The following CFAP20DC variants were observed in gnomAD, a reference collection of about 807,000 sequenced individuals.
CFAP20DC encodes the protein CFAP20 domain containing.
CFAP20DC carries 84 observed loss-of-function variants against 101.7 expected under a neutral mutation model. The observed-to-expected ratio is 0.83, with a 90% confidence interval of 0.69 to 0.99. CFAP20DC has a LOEUF of 0.99. Among genes scored for constraint, CFAP20DC ranks in the 50% least tolerant of loss-of-function variants. The pLI is 0.00. For synonymous variants in CFAP20DC, 359 were observed against 351.2 expected (o/e 1.02, Z -0.25); for missense variants, 1,007 against 970.3 (o/e 1.04, Z -0.50).
At chr3:58,850,506 T>G (rs1401096249) in intron 12 of CFAP20DC, among the ~76,000 whole-genome samples, 1 of 150,592 alleles carries the variant, frequency 6.6e-6, no homozygotes, top group Admixed American at 6.6e-5. Flanking sequence ...GAGAATTGCT[T>G]GAACCTGGGA....
At chr3:58,832,667 A>G (rs1353599118) in intron 13 of CFAP20DC, among the ~76,000 whole-genome samples, 2 of 152,180 alleles carry the variant, frequency 1.3e-5, no homozygotes, top group East Asian at 1.9e-4. Context: ...CATAGCTCCA[A>G]CCAAGGTGGA....
At chr3:59,030,927 C>A (rs2093982631) in intron 4 of CFAP20DC, among the ~76,000 whole-genome samples, 1 of 152,046 alleles carries the variant, frequency 6.6e-6, no homozygotes. Context: ...GGGTTCACGC[C>A]ATTCTCCTGC....
rs1017646420 is a variant in CFAP20DC at position 58,849,396 on chromosome 3, ATACTGTGGT to A, written c.1598_1606del (p.Asn533_Ser535del). ...AGTTGTTGGGCCTCGAGAACCCTGG[ATACTGTGGT>A]TACCCTATGTTGGGGAACAAAGTAA... On this transcript the variant is annotated inframe_deletion, in exon 13 of 17. Coordinates refer to ENST00000482387, the MANE Select transcript of CFAP20DC (RefSeq NM_001394063.1). 48 of 1,529,110 alleles carry A rather than the reference ATACTGTGGT, an allele frequency of 3.1e-5. No homozygotes were observed. In the African/African-American group the frequency reaches 5.8e-4, roughly 18 times the overall value. 94.7% of individuals were successfully genotyped at this position (1,529,110 alleles called of 1,614,324 possible).
chr3:59,017,527 T>C (rs577294070), intron 4 of CFAP20DC: 2 of 152,144 alleles, frequency 1.3e-5, no homozygotes, highest in East Asian at 3.9e-4. Flanking sequence ...GATATTGTAA[T>C]CTTTAGTGAC....
In CFAP20DC at chr3:58,816,442, C is replaced by T. The variant is rs370523153; in HGVS notation, c.2176-9986G>A. 2.2e-3 allele frequency among the ~76,000 whole-genome samples: 339 copies of T among 152,208 alleles called. 4 individuals carry two copies. Among genetic ancestry groups the T allele is most frequent in the African/African-American group, 7.3e-3 (302 of 41,550 alleles). ...CAGGCCAGTGGGTGCGTGCACCGTG[C>T]GCGAGCCGAAGCAGGGCGAGGCATT... On this transcript the variant is annotated intron_variant, in intron 14 of 16. Transcript: ENST00000482387.
chr3:58,968,628 T>C (rs1169576509), intron 4 of CFAP20DC, among the ~76,000 whole-genome samples: 1 of 152,122 alleles, frequency 6.6e-6, no homozygotes, highest in Non-Finnish European at 1.5e-5. Context: ...AGATGCATTG[T>C]TTGTAAATAT....
At position 58,882,729 on chromosome 3, in the gene CFAP20DC, TA is replaced by T. The variant is rs576500671; in HGVS notation, c.715+1815del. 1.2e-3 allele frequency among the ~76,000 whole-genome samples: 184 copies of T among 152,280 alleles called. No individual in the cohort carries two copies. The highest frequency in any genetic ancestry group is 4.1e-3 in the African/African-American group (171 of 41,558). On this transcript the variant is annotated intron_variant, in intron 7 of 16. Transcript: ENST00000482387. This position sits in a 1 kb window ranked among gnomAD's most constrained non-coding sequence, Gnocchi z 4.2. ...GGATTGTATACAGTCTCTCTCTGTC[TA>T]AATATAGTATATATAGTAAGCATAC...
intron 4 of CFAP20DC, among the ~76,000 whole-genome samples, chr3:58,948,513 G>GT (rs1464132668): frequency 1.3e-5 from 2 of 151,992 alleles, no homozygotes; most frequent in African/African-American, 4.8e-5. Flanking sequence ...CTTTTCCTTT[G>GT]TTTTCACAGT....
At chr3:58,860,297 G>A (rs763373233) in intron 12 of CFAP20DC, among the ~76,000 whole-genome samples, 1 of 151,506 alleles carries the variant, frequency 6.6e-6, no homozygotes. Context: ...AAATGAAATA[G>A]CTTAACTACT....
intron 4 of CFAP20DC, among the ~76,000 whole-genome samples, chr3:59,025,799 A>G (rs1054100580): frequency 2.0e-5 from 3 of 152,156 alleles, no homozygotes; most frequent in African/African-American, 4.8e-5. Flanking sequence ...TTTGTTTTAC[A>G]TACTAAAAAC....
chr3:58,892,919 G>A lies in CFAP20DC; in HGVS notation c.551-8210C>T, dbSNP rs1218825265. Among the ~76,000 whole-genome samples the A allele has an allele frequency of 6.6e-6, 1 of 152,166 alleles. No homozygotes were observed. On this transcript the variant is annotated intron_variant, in intron 6 of 16. Transcript: ENST00000482387. The surrounding 1 kb of genome is among the most constrained non-coding windows in gnomAD (Gnocchi z 4.0). ...TTCTTGTCTTGTGCTGGTTTCCAAGGGGAATGCTTTCAGCTTTTGCCTGTT... is the reference window on the plus strand; with the variant it reads ...TTCTTGTCTTGTGCTGGTTTCCAAGAGGAATGCTTTCAGCTTTTGCCTGTT...
At chr3:58,757,092 C>G (rs1355198484) in intron 15 of CFAP20DC, among the ~76,000 whole-genome samples, 1 of 151,806 alleles carries the variant, frequency 6.6e-6, no homozygotes, top group Non-Finnish European at 1.5e-5. Context: ...AGTGGGATTC[C>G]CAGAACAAAA....
chr3:58,815,597 A>G (rs1320925266), intron 14 of CFAP20DC, among the ~76,000 whole-genome samples: 5 of 151,656 alleles, frequency 3.3e-5, no homozygotes, highest in East Asian at 3.9e-4. Flanking sequence ...GAAAATTTTC[A>G]CAACCTGCTC....
At chr3:58,812,368 T>C (rs1196940093) in intron 14 of CFAP20DC, among the ~76,000 whole-genome samples, 3 of 152,136 alleles carry the variant, frequency 2.0e-5, no homozygotes, top group Non-Finnish European at 4.4e-5. Flanking sequence ...TGGAATACTA[T>C]GCAGCCATAA....
At chr3:58,875,882 A>C (rs2080708965) in intron 7 of CFAP20DC, among the ~76,000 whole-genome samples, 1 of 152,230 alleles carries the variant, frequency 6.6e-6, no homozygotes, top group African/African-American at 2.4e-5. Flanking sequence ...AATTAAAACT[A>C]AATACTTCAA....
intron 5 of CFAP20DC, among the ~76,000 whole-genome samples, chr3:58,924,566 A>T (rs570556537): frequency 6.6e-6 from 1 of 152,126 alleles, no homozygotes; most frequent in South Asian, 2.1e-4. Context: ...TGATATGAGG[A>T]TTTCTTTTCC....
At chr3:58,876,580 T>C (rs2080771272) in intron 7 of CFAP20DC, among the ~76,000 whole-genome samples, 1 of 152,022 alleles carries the variant, frequency 6.6e-6, no homozygotes, top group African/African-American at 2.4e-5. Flanking sequence ...TTACCACTAA[T>C]TATTTTCCTA....
At chr3:58,936,396 C>A (rs1319250210) in intron 5 of CFAP20DC, among the ~76,000 whole-genome samples, 2 of 152,146 alleles carry the variant, frequency 1.3e-5, no homozygotes, top group East Asian at 3.8e-4. Flanking sequence ...ACTAGAAATA[C>A]CATTTGACCC....
rs569348308 is a variant in CFAP20DC at position 58,899,289 on chromosome 3, C to T, written c.550+14419G>A. On this transcript the variant is annotated intron_variant, in intron 6 of 16. Transcript: ENST00000482387. This position sits in a 1 kb window ranked among gnomAD's most constrained non-coding sequence, Gnocchi z 5.0. ...ACTCTCCAGAGCTGGCAGGTTGGAACTGCTGAGTTGCCTAAACCACAGAGA... is the reference window on the plus strand; with the variant it reads ...ACTCTCCAGAGCTGGCAGGTTGGAATTGCTGAGTTGCCTAAACCACAGAGA... Among the ~76,000 whole-genome samples the T allele has an allele frequency of 5.3e-5, 8 of 152,244 alleles. No individual in the cohort carries two copies. Among genetic ancestry groups the T allele is most frequent in the Non-Finnish European group, 7.3e-5 (5 of 68,040 alleles).
Sources: gnomAD v4.1 joint callset for allele counts (sites outside exome capture counted in the v4.1 genomes callset) on GRCh38, gnomAD v4.1.1 for gene constraint, Gnocchi (gnomAD v3.1) non-coding constraint, MANE v1.5 for transcripts, NCBI Gene and HGNC (gene_info 2026-07-23, HGNC 2026-07-21) for gene names.